The following TAFA2 variants were observed in gnomAD, a reference collection of about 807,000 sequenced individuals.
TAFA2 encodes chemokine-like protein TAFA-2.
A neutral mutation model predicts 18.8 loss-of-function variants in TAFA2; 7 were observed. The ratio of observed to expected loss-of-function variants is 0.37; its 90% CI spans 0.21 to 0.70. The LOEUF (loss-of-function observed/expected upper bound fraction) is 0.70, where lower values mean the gene tolerates loss of function less well. Among genes scored for constraint, TAFA2 ranks in the 30% least tolerant of loss-of-function variants. The pLI is 0.53. For synonymous variants in TAFA2, 60 were observed against 54.2 expected, an observed-to-expected ratio of 1.11 and a Z score of -0.47; for missense variants, 122 against 158.1, an observed-to-expected ratio of 0.77 and a Z score of 1.23.
intron 1 of TAFA2, among the ~76,000 whole-genome samples, chr12:62,020,261 C>T (rs577369333): frequency 6.6e-6 from 1 of 152,244 alleles, no homozygotes; most frequent in Admixed American, 6.5e-5. Flanking sequence ...GTGAAAACTG[C>T]CACACTAGTA....
At chr12:61,782,100 G>A (rs571955709) in intron 2 of TAFA2, among the ~76,000 whole-genome samples, 33 of 151,614 alleles carry the variant, frequency 2.2e-4, no homozygotes, top group African/African-American at 6.3e-4. Context: ...ATTTGATCCC[G>A]AAGGTATAAA....
chr12:61,941,791 C>G (rs199571656), intron 1 of TAFA2, among the ~76,000 whole-genome samples: 1 of 152,168 alleles, frequency 6.6e-6, no homozygotes. Flanking sequence ...ACACCTGGCT[C>G]GGAGGGTCCT....
Position 62,133,418 on chromosome 12 carries a change from T to C in TAFA2, c.-2+57841A>G, listed in dbSNP as rs192074333. On this transcript the variant is annotated intron_variant, in intron 1 of 4. Coordinates refer to ENST00000416284, the MANE Select transcript of TAFA2 (RefSeq NM_178539.5). ...TTATAATGAAAATTCTGGAACCCTC[T>C]TTCCTTTTGGATAATGTAGATACAA... Among the ~76,000 whole-genome samples the C allele has an allele frequency of 3.9e-5, 6 of 152,068 alleles. No homozygotes were observed. In the East Asian group the frequency reaches 1.2e-3, roughly 29 times the overall value.
intron 1 of TAFA2, among the ~76,000 whole-genome samples, chr12:62,098,623 T>A (rs1385993723): frequency 6.6e-6 from 1 of 152,184 alleles, no homozygotes; most frequent in Non-Finnish European, 1.5e-5. Flanking sequence ...CCTTCCAAGC[T>A]ACTTGAGCTG....
intron 1 of TAFA2, among the ~76,000 whole-genome samples, chr12:62,137,987 A>C (rs576220874): frequency 6.6e-6 from 1 of 151,686 alleles, no homozygotes; most frequent in South Asian, 2.1e-4. Flanking sequence ...TGCTTGATGC[A>C]CTCTTCAATT....
chr12:62,002,405 A>G (rs181262654), intron 1 of TAFA2, among the ~76,000 whole-genome samples: 6 of 152,176 alleles, frequency 3.9e-5, no homozygotes, highest in African/African-American at 1.4e-4. Context: ...TGTCTCAAGT[A>G]TTGGCTTTCT....
intron 1 of TAFA2, among the ~76,000 whole-genome samples, chr12:62,057,168 T>A (rs944329391): frequency 4.6e-5 from 7 of 152,236 alleles, no homozygotes; most frequent in Admixed American, 2.6e-4. Flanking sequence ...TCATAAAATG[T>A]TTCAAGTTTT....
At chr12:61,717,547 T>C (rs943296436) in intron 4 of TAFA2, among the ~76,000 whole-genome samples, 2 of 152,216 alleles carry the variant, frequency 1.3e-5, no homozygotes, top group Non-Finnish European at 2.9e-5. Context: ...TGTTTAATAC[T>C]TCAGCTAGGA....
At chr12:62,073,540 T>C (rs531550050) in intron 1 of TAFA2, among the ~76,000 whole-genome samples, 45 of 150,562 alleles carry the variant, frequency 3.0e-4, no homozygotes, top group Middle Eastern at 7.0e-3. Flanking sequence ...TTGAGGTAGG[T>C]GTTATAGGTA....
intron 1 of TAFA2, among the ~76,000 whole-genome samples, chr12:62,248,656 C>T (rs1288552863): frequency 6.6e-6 from 1 of 152,198 alleles, no homozygotes; most frequent in African/African-American, 2.4e-5. Flanking sequence ...TCTTGCTGGA[C>T]TTAATGCCTG....
chr12:62,149,587 T>TTATATATA (rs151026993), intron 1 of TAFA2, among the ~76,000 whole-genome samples: 2 of 146,930 alleles, frequency 1.4e-5, no homozygotes, highest in African/African-American at 4.9e-5. Context: ...TATATACACA[T>TTATATATA]TATATATATA....
chr12:62,027,180 G>T (rs1324135147), intron 1 of TAFA2, among the ~76,000 whole-genome samples: 2 of 152,096 alleles, frequency 1.3e-5, no homozygotes, highest in East Asian at 3.9e-4. Context: ...AAATGAAAAT[G>T]TTCTATGCTG....
intron 1 of TAFA2, among the ~76,000 whole-genome samples, chr12:62,250,026 T>C (rs2062905055): frequency 6.6e-6 from 1 of 152,178 alleles, no homozygotes; most frequent in African/African-American, 2.4e-5. Context: ...AAAAAGGGTT[T>C]ATTTGTCTCA....
At chr12:61,810,587 C>T (rs997071996) in intron 2 of TAFA2, among the ~76,000 whole-genome samples, 2 of 150,950 alleles carry the variant, frequency 1.3e-5, no homozygotes, top group Admixed American at 1.3e-4. Flanking sequence ...CTATCTATCT[C>T]GCAAAGATTT....
At chr12:61,958,283 A>G (rs1472735062) in intron 1 of TAFA2, among the ~76,000 whole-genome samples, 1 of 152,138 alleles carries the variant, frequency 6.6e-6, no homozygotes, top group Non-Finnish European at 1.5e-5. Flanking sequence ...AAGTATGGAT[A>G]TACCCTAGTG....
At chr12:62,181,046 A>G (rs1199838034) in intron 1 of TAFA2, among the ~76,000 whole-genome samples, 1 of 152,234 alleles carries the variant, frequency 6.6e-6, no homozygotes, top group Admixed American at 6.5e-5. Context: ...TATGGAAAGA[A>G]TGAGAATTTC....
chr12:61,964,414 C>T (rs895034716), intron 1 of TAFA2, among the ~76,000 whole-genome samples: 5 of 151,688 alleles, frequency 3.3e-5, no homozygotes, highest in Non-Finnish European at 7.4e-5. Context: ...ACTGTCTTTC[C>T]TCTGTGAGAA....
chr12:62,187,822 G>A (rs1054246751), intron 1 of TAFA2, among the ~76,000 whole-genome samples: 3 of 152,058 alleles, frequency 2.0e-5, no homozygotes, highest in African/African-American at 7.2e-5. Flanking sequence ...ATTGTGCTCC[G>A]AACCTAAAGT....
intron 2 of TAFA2, among the ~76,000 whole-genome samples, chr12:61,835,587 A>G (rs1872888259): frequency 1.3e-5 from 2 of 151,940 alleles, no homozygotes; most frequent in South Asian, 4.1e-4. Flanking sequence ...GACCATGATT[A>G]ATTTTTTTGT....
Sources: allele counts gnomAD v4.1 joint callset (sites outside exome capture counted in the v4.1 genomes callset), GRCh38; gene constraint gnomAD v4.1.1; transcripts MANE v1.5; gene names NCBI Gene and HGNC (gene_info 2026-07-23, HGNC 2026-07-21).